The following CPVL variants were observed in gnomAD, a reference collection of about 807,000 sequenced individuals.
The protein encoded by CPVL is carboxypeptidase vitellogenic like, also known as probable serine carboxypeptidase CPVL.
CPVL carries 51 observed loss-of-function variants against 63.7 expected under a neutral mutation model. That is an observed-to-expected ratio of 0.80 (90% confidence interval 0.64 to 1.01). The LOEUF (loss-of-function observed/expected upper bound fraction) is 1.01. Ranked by LOEUF, CPVL falls within the 50% of genes least tolerant of loss-of-function variation. CPVL has a pLI of 0.00. For synonymous variants in CPVL, 195 were observed against 206.0 expected (o/e 0.95, Z 0.46); for missense variants, 530 against 573.1 (o/e 0.92, Z 0.77).
intron 2 of CPVL, among the ~76,000 whole-genome samples, chr7:29,117,004 C>A (rs995672986): frequency 1.3e-5 from 2 of 152,070 alleles, no homozygotes; most frequent in Non-Finnish European, 2.9e-5. Context: ...TCCAGAGCTT[C>A]CTGAACTTTC....
At chr7:29,110,123 A>C (rs1485963389) in intron 3 of CPVL, among the ~76,000 whole-genome samples, 1 of 152,180 alleles carries the variant, frequency 6.6e-6, no homozygotes, top group Non-Finnish European at 1.5e-5. Flanking sequence ...ACCAAAGAAG[A>C]CTCAACATTC....
chr7:29,129,726 C>CA (rs1219375030), intron 1 of CPVL, among the ~76,000 whole-genome samples: 2 of 152,144 alleles, frequency 1.3e-5, no homozygotes, highest in African/African-American at 2.4e-5. Flanking sequence ...CTCGGCTTCC[C>CA]AAAGTGCTGG....
At chr7:29,046,140 A>G (rs1173242766) in intron 11 of CPVL, among the ~76,000 whole-genome samples, 3 of 145,928 alleles carry the variant, frequency 2.1e-5, no homozygotes, top group African/African-American at 7.8e-5. Flanking sequence ...GTTGGAGTGC[A>G]GTGGCGTGAT....
At chr7:29,007,305 A>T (rs1234551201) in intron 12 of CPVL, among the ~76,000 whole-genome samples, 4 of 152,242 alleles carry the variant, frequency 2.6e-5, no homozygotes, top group African/African-American at 9.6e-5. Flanking sequence ...CATTCTTCTT[A>T]TGCTAATCGG....
intron 11 of CPVL, among the ~76,000 whole-genome samples, chr7:29,061,360 C>T (rs960645170): frequency 6.6e-6 from 1 of 152,056 alleles, no homozygotes; most frequent in Non-Finnish European, 1.5e-5. Flanking sequence ...TTGCAGTGAG[C>T]CGAGATCGTG....
At chr7:29,046,935 G>A (rs554208601) in intron 11 of CPVL, among the ~76,000 whole-genome samples, 6 of 152,238 alleles carry the variant, frequency 3.9e-5, no homozygotes, top group African/African-American at 1.4e-4. Flanking sequence ...TGCTGATTAA[G>A]ACTAAGGACT....
intron 1 of CPVL, among the ~76,000 whole-genome samples, chr7:29,132,287 C>T (rs758755045): frequency 6.6e-6 from 1 of 152,070 alleles, no homozygotes; most frequent in African/African-American, 2.4e-5. Context: ...CGGAGTGGTT[C>T]GAAGGGGGAT....
intron 3 of CPVL, among the ~76,000 whole-genome samples, chr7:29,112,006 T>G (rs1788281556): frequency 6.6e-6 from 1 of 152,236 alleles, no homozygotes; most frequent in Non-Finnish European, 1.5e-5. Flanking sequence ...AAAAATGTCT[T>G]GTTCATACAG....
intron 1 of CPVL, among the ~76,000 whole-genome samples, chr7:29,136,900 C>T (rs1180115325): frequency 1.3e-5 from 2 of 152,118 alleles, no homozygotes; most frequent in Non-Finnish European, 2.9e-5. Flanking sequence ...TTCTCTGGCC[C>T]TGCATTCCCA....
chr7:29,072,149 A>C, intron 8 of CPVL, 152 bp downstream of exon 8: 1 of 935,314 alleles, frequency 1.1e-6, no homozygotes, highest in Non-Finnish European at 1.6e-6. Context: ...TGATACGTTG[A>C]AACATTTGGT....
rs147122332 is a variant in CPVL, at chr7:29,185,734, G to A, written c.-346-137C>T. 476 of 152,176 alleles carry A rather than the reference G, an allele frequency of 3.1e-3. 4 individuals carry two copies. Among genetic ancestry groups the A allele is most frequent in the African/African-American group, 0.011 (449 of 41,494 alleles). 9.4% of individuals were successfully genotyped at this position (152,176 alleles called of 1,614,324 possible). A position where few individuals can be genotyped will look rare whatever the true frequency, so the allele number is the denominator to read the frequency against. On this transcript the variant is annotated intron_variant, in intron 2 of 16. Coordinates refer to the CPVL transcript ENST00000409850. ...TCTGAGTGATTCTCATATATACCCCGAGTTGCAAACCATCGCCCTAGGACC... is the reference window on the plus strand; with the variant it reads ...TCTGAGTGATTCTCATATATACCCCAAGTTGCAAACCATCGCCCTAGGACC...
At chr7:29,127,577 A>G (rs1562782975) in intron 1 of CPVL, 4 of 152,242 alleles carry the variant, frequency 2.6e-5, no homozygotes, top group African/African-American at 9.7e-5. Flanking sequence ...GCACCTTGGC[A>G]CAGTGAGTAT....
At position 29,086,517 on chromosome 7, in the gene CPVL, T is replaced by C. The variant is rs1785218439; in HGVS notation, c.576A>G (p.Glu192=). The C allele has an allele frequency of 1.2e-6, 2 of 1,612,370 alleles. No homozygotes were observed. Among genetic ancestry groups the C allele is most frequent in the South Asian group, 2.2e-5 (2 of 91,036 alleles). Residue 192 remains glutamate (E), a synonymous_variant, in exon 7 of 13, where the codon GAA becomes GAG. Transcript: ENST00000265394. ...ALIQFFQIFP[E]YKNNDFYVTG... ...TGACATAAAAGTCATTATTTTTATATTCAGGAAATATCTGGAAAAACTGAA... is the reference window on the plus strand; with the variant it reads ...TGACATAAAAGTCATTATTTTTATACTCAGGAAATATCTGGAAAAACTGAA...
At chr7:29,151,980 T>A (rs1305323123) in intron 5 of CPVL, among the ~76,000 whole-genome samples, 2 of 152,264 alleles carry the variant, frequency 1.3e-5, no homozygotes, top group African/African-American at 2.4e-5. Flanking sequence ...TGGAGTCTCC[T>A]CTTTTTCTCT....
upstream of CPVL, chr7:29,146,621 G>T (rs971298662): frequency 1.9e-6 from 3 of 1,550,432 alleles, no homozygotes; most frequent in African/African-American, 2.7e-5. Context: ...GCGTCGTCGT[G>T]TCCCAACCTC....
chr7:29,061,737 A>G (rs906954914), intron 11 of CPVL, among the ~76,000 whole-genome samples: 10 of 152,128 alleles, frequency 6.6e-5, no homozygotes, highest in African/African-American at 2.4e-4. Context: ...ACCTGAGGTC[A>G]GAAGTTTGAG....
chr7:28,995,698 C>T lies in CPVL; in HGVS notation c.*74G>A. ...ATATGAAAAGATAATTTTTTTATTCCTATGACATTTTCTGTTTTTACGATT... is the reference window on the plus strand; with the variant it reads ...ATATGAAAAGATAATTTTTTTATTCTTATGACATTTTCTGTTTTTACGATT... On this transcript the variant is annotated 3_prime_UTR_variant, in exon 13 of 13. Coordinates refer to ENST00000265394, the MANE Select transcript of CPVL (RefSeq NM_031311.5). 4 of 864,290 alleles carry T rather than the reference C, an allele frequency of 4.6e-6. No individual in the cohort carries two copies. Among genetic ancestry groups the T allele is most frequent in the South Asian group, 3.2e-5 (2 of 62,114 alleles). The allele number at this position is 864,290 out of a possible 1,614,324, so 53.5% of individuals were successfully genotyped here. A position where few individuals can be genotyped will look rare whatever the true frequency, so the allele number is the denominator to read the frequency against.
At chr7:29,011,421 A>G (rs1785818327) in intron 12 of CPVL, 1 of 152,232 alleles carries the variant, frequency 6.6e-6, no homozygotes, top group African/African-American at 2.4e-5. Context: ...AAGAAAATAC[A>G]AAAATTAGTC....
chr7:29,044,433 A>G (rs910401358), intron 11 of CPVL, among the ~76,000 whole-genome samples: 3 of 152,108 alleles, frequency 2.0e-5, no homozygotes, highest in South Asian at 2.1e-4. Flanking sequence ...ATAATAATAA[A>G]AAGAGTCAGC....
Sources: allele counts gnomAD v4.1 joint callset (sites outside exome capture counted in the v4.1 genomes callset), GRCh38; gene constraint gnomAD v4.1.1; transcripts MANE v1.5; gene names NCBI Gene and HGNC (gene_info 2026-07-23, HGNC 2026-07-21).